The following EBF2 variants were observed in gnomAD, a reference collection of about 807,000 sequenced individuals.
EBF2 encodes the protein EBF transcription factor 2.
EBF2 carries 21 observed loss-of-function variants against 72.8 expected under a neutral mutation model. That is an observed-to-expected ratio of 0.29 (90% CI 0.20 to 0.42). The LOEUF is 0.42. Ranked by LOEUF, EBF2 falls within the 10% of genes least tolerant of loss-of-function variation. EBF2 has a pLI of 1.00. For synonymous variants in EBF2, 299 were observed against 274.2 expected (o/e 1.09, Z -0.89); for missense variants, 637 against 731.2 (o/e 0.87, Z 1.49).
At chr8:25,904,299 T>A (rs1383951411) in intron 7 of EBF2, among the ~76,000 whole-genome samples, 1 of 151,898 alleles carries the variant, frequency 6.6e-6, no homozygotes, top group African/African-American at 2.4e-5. Context: ...TTCAGTATTT[T>A]TTATGTCCTA....
At chr8:26,041,978 T>C (rs1457029586) in intron 2 of EBF2, 117 bp downstream of exon 2, 1 of 1,444,842 alleles carries the variant, frequency 6.9e-7, no homozygotes, top group Non-Finnish European at 9.4e-7. Context: ...GTAGCCTCGA[T>C]TTATCATCCC....
chr8:25,942,308 C>T (rs1803687821), intron 6 of EBF2, among the ~76,000 whole-genome samples: 1 of 152,210 alleles, frequency 6.6e-6, no homozygotes, highest in Non-Finnish European at 1.5e-5. Flanking sequence ...GTACATAATG[C>T]ATAGTGATCA....
Position 25,858,651 on chromosome 8 carries a change from C to CTT in EBF2, c.1343-149_1343-148dup, listed in dbSNP as rs34189731. 286 of 136,486 alleles carry CTT rather than the reference C, an allele frequency of 2.1e-3. 4 individuals are homozygous for CTT. The highest frequency in any genetic ancestry group is 4.2e-3 in the South Asian group (42 of 9,990). The allele number at this position is 136,486 out of a possible 1,614,324, so 8.5% of individuals were successfully genotyped here. ...TAGGAAGTGTGCAGTCCATCTTTAGCTTTTTTTTTTTTTTTTTTTTTTTTT... is the reference window on the plus strand; with the variant it reads ...TAGGAAGTGTGCAGTCCATCTTTAGCTTTTTTTTTTTTTTTTTTTTTTTTTTT... On this transcript the variant is annotated intron_variant, in intron 13 of 15. Coordinates refer to ENST00000520164, the MANE Select transcript of EBF2 (RefSeq NM_022659.4).
intron 6 of EBF2, among the ~76,000 whole-genome samples, chr8:25,961,288 G>C (rs889646591): frequency 4.6e-5 from 7 of 152,056 alleles, no homozygotes; most frequent in Non-Finnish European, 1.0e-4. Context: ...CCATTTCCCT[G>C]GTATAATTAA....
At chr8:25,947,271 G>A (rs1803785916) in intron 6 of EBF2, among the ~76,000 whole-genome samples, 3 of 152,182 alleles carry the variant, frequency 2.0e-5, no homozygotes, top group South Asian at 4.1e-4. Flanking sequence ...TTTTGTAAAG[G>A]AGAGTTCCCC....
At chr8:26,013,880 C>T (rs1043702434) in intron 6 of EBF2, among the ~76,000 whole-genome samples, 2 of 152,142 alleles carry the variant, frequency 1.3e-5, no homozygotes, top group Non-Finnish European at 2.9e-5. Flanking sequence ...AGGCAGCATC[C>T]GGATATTGCT....
At chr8:26,007,473 T>C (rs1023122830) in intron 6 of EBF2, among the ~76,000 whole-genome samples, 1 of 152,186 alleles carries the variant, frequency 6.6e-6, no homozygotes, top group Admixed American at 6.5e-5. Flanking sequence ...AGTTTTTTTT[T>C]AATCATCTAA....
intron 7 of EBF2, among the ~76,000 whole-genome samples, chr8:25,892,426 C>T (rs1802799818): frequency 6.6e-6 from 1 of 152,130 alleles, no homozygotes; most frequent in African/African-American, 2.4e-5. Context: ...GTAAAATTTA[C>T]ATACATTGAA....
chr8:25,937,052 G>A (rs1803591516), intron 6 of EBF2, among the ~76,000 whole-genome samples: 2 of 152,162 alleles, frequency 1.3e-5, no homozygotes, highest in Non-Finnish European at 1.5e-5. Context: ...ACTAGCAAAG[G>A]TTAATTAGAA....
intron 6 of EBF2, among the ~76,000 whole-genome samples, chr8:25,915,433 A>C (rs944857639): frequency 1.1e-4 from 17 of 152,168 alleles, no homozygotes; most frequent in African/African-American, 3.9e-4. Flanking sequence ...ACAAGCAAAC[A>C]AATAAAAATG....
intron 6 of EBF2, among the ~76,000 whole-genome samples, chr8:26,009,945 C>T (rs1426375763): frequency 6.6e-6 from 1 of 152,212 alleles, no homozygotes; most frequent in African/African-American, 2.4e-5. Context: ...CCCTCCACTT[C>T]AGATACCATT....
intron 6 of EBF2, among the ~76,000 whole-genome samples, chr8:26,015,380 C>A (rs943784421): frequency 1.3e-5 from 2 of 152,226 alleles, no homozygotes; most frequent in East Asian, 3.8e-4. Context: ...CAAGGGCATG[C>A]CCTTTCATCT....
Position 25,886,744 on chromosome 8 carries a change from T to G in EBF2, c.1009+11A>C. On this transcript the variant is annotated intron_variant, in intron 10 of 15. Transcript: ENST00000520164. Reference sequence around the variant, plus strand: ...GAAGCCAGCCTCTCTTGGAATCGTTTTCTCACCTACCTGTGTAAATGAACC... The same window carrying G: ...GAAGCCAGCCTCTCTTGGAATCGTTGTCTCACCTACCTGTGTAAATGAACC... The G allele has an allele frequency of 6.2e-7, 1 of 1,604,558 alleles. No homozygotes were observed. Among genetic ancestry groups the G allele is most frequent in the Non-Finnish European group, 8.5e-7 (1 of 1,175,344 alleles).
intron 5 of EBF2, among the ~76,000 whole-genome samples, chr8:26,034,236 A>G (rs1191662706): frequency 1.3e-5 from 2 of 152,222 alleles, no homozygotes; most frequent in African/African-American, 4.8e-5. Flanking sequence ...GAACTATGGT[A>G]TACATTTTAA....
chr8:25,913,722 A>T (rs1018306204), intron 6 of EBF2, among the ~76,000 whole-genome samples: 2 of 152,140 alleles, frequency 1.3e-5, no homozygotes, highest in Admixed American at 6.5e-5. Context: ...TTTCTCTGCC[A>T]TGATGGTCAC....
At chr8:25,916,821 C>T (rs13257034) in intron 6 of EBF2, among the ~76,000 whole-genome samples, 80,561 of 151,846 alleles carry the variant, frequency 0.53, 23,931 homozygotes, top group East Asian at 0.74. Context: ...CAGGCCCCAT[C>T]GAGTCACTTT....
intron 7 of EBF2, among the ~76,000 whole-genome samples, chr8:25,903,112 A>G (rs1289468436): frequency 6.6e-6 from 1 of 151,654 alleles, no homozygotes; most frequent in African/African-American, 2.4e-5. Context: ...GGTTCATGAG[A>G]TATTCTGACA....
At chr8:25,968,301 T>A (rs1563195543) in intron 6 of EBF2, among the ~76,000 whole-genome samples, 1 of 152,030 alleles carries the variant, frequency 6.6e-6, no homozygotes, top group Non-Finnish European at 1.5e-5. Flanking sequence ...CATCAACAGA[T>A]GAAAGGATAG....
At chr8:26,011,787 A>G (rs1035648821) in intron 6 of EBF2, among the ~76,000 whole-genome samples, 4 of 152,086 alleles carry the variant, frequency 2.6e-5, no homozygotes, top group African/African-American at 9.7e-5. Context: ...TTAACGGAGA[A>G]TAGAATTTAC....
Sources: gnomAD v4.1 joint callset for allele counts (sites outside exome capture counted in the v4.1 genomes callset) on GRCh38, gnomAD v4.1.1 for gene constraint, MANE v1.5 for transcripts, NCBI Gene and HGNC (gene_info 2026-07-23, HGNC 2026-07-21) for gene names.